Variants in YLPM1 observed in about 807,000 individuals in gnomAD.
The protein encoded by YLPM1 is YLP motif containing 1, also known as YLP motif-containing protein 1.
YLPM1 carries 99 observed loss-of-function variants against 230.0 expected under a neutral mutation model. That is an observed-to-expected ratio of 0.43 (90% CI 0.37 to 0.51). The LOEUF (loss-of-function observed/expected upper bound fraction) is 0.51. Ranked by LOEUF, YLPM1 falls within the 20% of genes least tolerant of loss-of-function variation. The pLI is 0.00. For synonymous variants in YLPM1, 984 were observed against 942.5 expected (o/e 1.04, Z -0.81); for missense variants, 2,592 against 2,707.7 (o/e 0.96, Z 0.95).
intron 11 of YLPM1, 81 bp downstream of exon 11, chr14:74,812,863 A>G: frequency 1.4e-6 from 2 of 1,464,388 alleles, no homozygotes; most frequent in Non-Finnish European, 1.8e-6. Flanking sequence ...GAATTTCTTT[A>G]TTTTTCTGCA....
At chr14:74,812,825 A>T (rs773022479) in intron 11 of YLPM1, 43 bp downstream of exon 11, 12 of 1,579,082 alleles carry the variant, frequency 7.6e-6, no homozygotes, top group Non-Finnish European at 1.0e-5. Context: ...AAACCAGAAG[A>T]TAAGAGATCT....
At chr14:74,769,003 C>T (rs866693285) in intron 1 of YLPM1, among the ~76,000 whole-genome samples, 34 of 151,504 alleles carry the variant, frequency 2.2e-4, no homozygotes, top group African/African-American at 5.8e-4. Context: ...TAGCTGGGAG[C>T]GCTAACCTAA....
intron 1 of YLPM1, among the ~76,000 whole-genome samples, chr14:74,778,089 C>T (rs3813556): frequency 3.3e-5 from 5 of 151,998 alleles, no homozygotes; most frequent in East Asian, 3.9e-4. Flanking sequence ...GTCAATAAAT[C>T]GGAACAAACT....
chr14:74,817,569 C>T (rs771201171), intron 15 of YLPM1, among the ~76,000 whole-genome samples: 14 of 152,166 alleles, frequency 9.2e-5, no homozygotes, highest in Non-Finnish European at 1.9e-4. Context: ...ACAAAATTGC[C>T]TAATGACCCA....
Position 74,809,629 on chromosome 14 carries a change from C to T in YLPM1, c.4771C>T (p.Leu1591=). 6.2e-7 allele frequency: 1 copy of T among 1,614,026 alleles called. No individual in the cohort carries two copies. Among genetic ancestry groups the T allele is most frequent in the African/African-American group, 1.3e-5 (1 of 75,060 alleles). The part of the protein sequence containing the change: ...GLWDTNDEQG[L]NSEFKSETAA... ...CTGGGATACAAATGATGAACAAGGACTGAATTCAGAATTTAAGTCAGAAAC... is the reference window on the plus strand; with the variant it reads ...CTGGGATACAAATGATGAACAAGGATTGAATTCAGAATTTAAGTCAGAAAC... Residue 1591 remains leucine, a synonymous_variant, in exon 7 of 21, where the codon CTG becomes TTG. Transcript: ENST00000325680.
At chr14:74,764,448 A>G in intron 1 of YLPM1, 86 bp downstream of exon 1, 1 of 1,426,038 alleles carries the variant, frequency 7.0e-7, no homozygotes, top group Non-Finnish European at 9.3e-7. Flanking sequence ...TGGTTAGTCT[A>G]ATTCCAACAC....
At chr14:74,764,495 A>T in intron 1 of YLPM1, 133 bp downstream of exon 1, 1 of 1,231,190 alleles carries the variant, frequency 8.1e-7, no homozygotes, top group Non-Finnish European at 1.1e-6. Flanking sequence ...ATTCCGTAAG[A>T]GTCAGAGGGC....
At position 74,799,004 on chromosome 14, in the gene YLPM1, A is replaced by G. The variant is rs764524993; in HGVS notation, c.3707A>G (p.Asp1236Gly). The G allele has an allele frequency of 1.9e-6, 3 of 1,613,978 alleles. No homozygotes were observed. The highest frequency in any genetic ancestry group is 1.1e-5 in the South Asian group (1 of 91,068). ...YWRECERDYQ[D>G]DTLELYNRED... ...AGAGAATGTGAACGTGACTATCAAG[A>G]TGATACACTAGAGCTCTATAACAGA... Residue 1236 changes from aspartate to glycine, a missense_variant, in exon 5 of 21, where the codon GAT becomes GGT. Physicochemically the swap from Asp to Gly is moderately conservative, Grantham distance 94. Around this residue, in one of 4 missense-constraint regions of YLPM1, gnomAD observed 1,862 missense variants for 1,819.8 expected, o/e 1.02. Coordinates refer to ENST00000325680, the MANE Select transcript of YLPM1 (RefSeq NM_019589.3).
In YLPM1 at chr14:74,763,693, C is replaced by T; in HGVS notation, c.204C>T (p.His68=). ...LAQLQQLQQM[H]QKQMQCVLQP... ...AGCTCCAGCAGCTGCAGCAGATGCACCAGAAGCAAATGCAGTGCGTGCTTC... is the reference window on the plus strand; with the variant it reads ...AGCTCCAGCAGCTGCAGCAGATGCATCAGAAGCAAATGCAGTGCGTGCTTC... The change falls in exon 1 of 21, where the codon CAC becomes CAT. Residue 68 remains histidine, a synonymous_variant. Transcript: ENST00000325680. The T allele has an allele frequency of 6.4e-7, 1 of 1,567,686 alleles. No individual in the cohort carries two copies. The highest frequency in any genetic ancestry group is 8.7e-7 in the Non-Finnish European group (1 of 1,152,714).
intron 18 of YLPM1, chr14:74,827,502 A>G (rs1290401697): frequency 1.0e-6 from 1 of 985,344 alleles, no homozygotes; most frequent in Non-Finnish European, 1.2e-6. Flanking sequence ...CTCTTCTGAA[A>G]TTCCATGTTG....
chr14:74,818,338 C>A, intron 16 of YLPM1, 24 bp downstream of exon 16: 1 of 1,553,890 alleles, frequency 6.4e-7, no homozygotes, highest in Admixed American at 1.9e-5. Context: ...GGTTCAAATG[C>A]AATGCAAAGT....
At chr14:74,817,142 T>G in intron 14 of YLPM1, 35 bp downstream of exon 14, 1 of 1,597,246 alleles carries the variant, frequency 6.3e-7, no homozygotes, top group Non-Finnish European at 8.5e-7. Context: ...TACTTTGTGT[T>G]GTCATGTAAA....
intron 17 of YLPM1, chr14:74,821,674 T>G (rs1242942663): frequency 6.6e-6 from 1 of 152,216 alleles, no homozygotes; most frequent in African/African-American, 2.4e-5. Flanking sequence ...TCAGGCTGAT[T>G]AGAGGCTTAC....
At position 74,763,383 on chromosome 14, in the gene YLPM1, C is replaced by G. The variant is rs2090868792; in HGVS notation, c.-107C>G. The G allele has an allele frequency of 1.5e-6, 2 of 1,332,804 alleles. No individual in the cohort carries two copies. Among genetic ancestry groups the G allele is most frequent in the Admixed American group, 6.7e-5 (2 of 30,028 alleles). 82.6% of individuals were successfully genotyped at this position (1,332,804 alleles called of 1,614,324 possible). A position where few individuals can be genotyped will look rare whatever the true frequency, so the allele number is the denominator to read the frequency against. ...CGCGCTCCGTTTACACGCTCCGGGG[C>G]CTGTAGGCGCCGCGAGTTCCGGCTG... On this transcript the variant is annotated 5_prime_UTR_variant, in exon 1 of 21. Coordinates refer to ENST00000325680, the MANE Select transcript of YLPM1 (RefSeq NM_019589.3).
At chr14:74,816,792 C>G in intron 13 of YLPM1, 102 bp downstream of exon 13, 1 of 1,460,764 alleles carries the variant, frequency 6.8e-7, no homozygotes, top group Non-Finnish European at 9.1e-7. Flanking sequence ...GGACCTCTCT[C>G]TTTTCCGAAC....
chr14:74,837,317 A>C lies in YLPM1; in HGVS notation c.*1579A>C, dbSNP rs1337603981. On this transcript the variant is annotated 3_prime_UTR_variant, in exon 21 of 21. Coordinates refer to ENST00000325680, the MANE Select transcript of YLPM1 (RefSeq NM_019589.3). Reference sequence around the variant, plus strand: ...ATAACTTCTGCTGTTTGTAGTATTTAATAAGCTATTTTCATTGCTTATTGG... The same window carrying C: ...ATAACTTCTGCTGTTTGTAGTATTTCATAAGCTATTTTCATTGCTTATTGG... 1 of 152,232 alleles carries C rather than the reference A, an allele frequency of 6.6e-6. No homozygotes were observed. The highest frequency in any genetic ancestry group is 1.5e-5 in the Non-Finnish European group (1 of 68,034). The allele number at this position is 152,232 out of a possible 1,614,324, so 9.4% of individuals were successfully genotyped here.
Position 74,810,410 on chromosome 14 carries a change from C to G in YLPM1, c.5218C>G (p.Arg1740Gly), listed in dbSNP as rs752563303. ...RDRFDRERRP[R>G]DDRAQSYRDK... Reference sequence around the variant, plus strand: ...TCGATTTGACAGAGAACGCCGACCCCGAGATGATAGGTATGCTATAAAACA... The same window carrying G: ...TCGATTTGACAGAGAACGCCGACCCGGAGATGATAGGTATGCTATAAAACA... Residue 1740 changes from arginine to glycine, a missense_variant, in exon 9 of 21, where the codon CGA becomes GGA. Arg to Gly is a moderately radical substitution (Grantham distance 125). Transcript: ENST00000325680. 1.2e-6 allele frequency: 2 copies of G among 1,613,440 alleles called. No individual in the cohort carries two copies. Among genetic ancestry groups the G allele is most frequent in the Non-Finnish European group, 1.7e-6 (2 of 1,179,796 alleles).
intron 11 of YLPM1, among the ~76,000 whole-genome samples, 179 bp from the exon 12 acceptor site, chr14:74,816,024 C>T (rs1047789888): frequency 1.3e-5 from 2 of 152,082 alleles, no homozygotes; most frequent in African/African-American, 4.8e-5. Flanking sequence ...TAATTTCATT[C>T]CACTGTGGTC....
rs766410966 is a variant in YLPM1, at chr14:74,798,673, C to T, written c.3376C>T (p.Arg1126Ter). The change falls in exon 5 of 21, where the codon CGA becomes TGA. Residue 1126 changes from arginine (R) to a stop codon, truncating the protein, a stop_gained. Transcript: ENST00000325680. LOFTEE classifies it high-confidence loss of function. ...RAGSQERGPLRRAGSRERIPP... is the reference protein window; with the variant it reads ...RAGSQERGPL Reference sequence around the variant, plus strand: ...TGGCAGTCAGGAGAGGGGACCTCTTCGAAGGGCTGGGAGTAGAGAGAGAAT... The same window carrying T: ...TGGCAGTCAGGAGAGGGGACCTCTTTGAAGGGCTGGGAGTAGAGAGAGAAT... 3.1e-6 allele frequency: 5 copies of T among 1,611,288 alleles called. No homozygotes were observed. Among genetic ancestry groups the T allele is most frequent in the Non-Finnish European group, 4.2e-6 (5 of 1,178,462 alleles).
Sources: gnomAD v4.1 joint callset for allele counts (sites outside exome capture counted in the v4.1 genomes callset) on GRCh38, gnomAD v4.1.1 for gene constraint, gnomAD v4.1.1 regional missense constraint, MANE v1.5 for transcripts, NCBI Gene and HGNC (gene_info 2026-07-23, HGNC 2026-07-21) for gene names.